Variants in AIG1 observed in about 807,000 individuals in gnomAD.
AIG1 encodes the protein androgen-induced gene 1 protein.
In AIG1, 23 loss-of-function variants were observed where a neutral mutation model predicts 31.4. That is an observed-to-expected ratio of 0.73 (90% CI 0.53 to 1.04). AIG1 has a LOEUF of 1.04. AIG1 is among the 50% of genes least tolerant of loss of function. The pLI, the probability that AIG1 is intolerant of heterozygous loss-of-function variation, is 0.00. For missense variants in AIG1, 274 were observed against 295.0 expected (o/e 0.93, Z 0.52); for synonymous variants, 100 against 110.5 (o/e 0.90, Z 0.60).
chr6:143,294,332 A>G (rs1302396062), intron 4 of AIG1, among the ~76,000 whole-genome samples: 3 of 152,162 alleles, frequency 2.0e-5, no homozygotes, highest in African/African-American at 7.2e-5. Flanking sequence ...GAGTGCCTTC[A>G]AAGAGTTGTC....
chr6:143,294,898 C>T (rs1798315925), intron 4 of AIG1, among the ~76,000 whole-genome samples: 1 of 152,162 alleles, frequency 6.6e-6, no homozygotes, highest in Non-Finnish European at 1.5e-5. Flanking sequence ...TCAGAGCTCA[C>T]TTCCAGGTCC....
intron 3 of AIG1, among the ~76,000 whole-genome samples, chr6:143,237,371 T>C (rs1270971569): frequency 6.6e-6 from 1 of 152,208 alleles, no homozygotes; most frequent in Middle Eastern, 3.2e-3. Context: ...ATGAAGCTTA[T>C]AATGTAGTTG....
chr6:143,208,673 A>G (rs1264861350), intron 3 of AIG1, among the ~76,000 whole-genome samples: 1 of 152,152 alleles, frequency 6.6e-6, no homozygotes, highest in East Asian at 1.9e-4. Context: ...TAAACTTACC[A>G]TATTCATACT....
chr6:143,170,860 CA>C (rs1430145332), intron 3 of AIG1, among the ~76,000 whole-genome samples: 4 of 142,332 alleles, frequency 2.8e-5, no homozygotes, highest in Non-Finnish European at 6.1e-5. Context: ...ACCTGTTCCC[CA>C]AAAACCTATT....
At chr6:143,235,998 A>G (rs1013314728) in intron 3 of AIG1, among the ~76,000 whole-genome samples, 1 of 152,284 alleles carries the variant, frequency 6.6e-6, no homozygotes, top group Middle Eastern at 3.4e-3. Context: ...AGATGAGAAG[A>G]CCTTCCTACT....
rs558199579 is a variant in AIG1, at chr6:143,194,051, TTTATG to T, written c.399+28869_399+28873del. 3.9e-5 allele frequency among the ~76,000 whole-genome samples: 6 copies of T among 152,282 alleles called. No homozygotes were observed. In the South Asian group the frequency reaches 1.2e-3, roughly 32 times the overall value. On this transcript the variant is annotated intron_variant, in intron 3 of 5. Transcript: ENST00000357847. ...AGAGGCTGGAGAAAGTCACAAATGA[TTTATG>T]AGGGCATGATTCTTCCTGCTTATCC... is the stretch of plus-strand genomic sequence containing the variant.
chr6:143,136,029 C>T (rs1783705571), intron 1 of AIG1, among the ~76,000 whole-genome samples: 3 of 152,116 alleles, frequency 2.0e-5, no homozygotes, highest in African/African-American at 7.2e-5. Flanking sequence ...TTCTCCTTTG[C>T]AATAGTCCAA....
chr6:143,184,927 A>T (rs911266119), intron 3 of AIG1, among the ~76,000 whole-genome samples: 1 of 151,944 alleles, frequency 6.6e-6, no homozygotes, highest in South Asian at 2.1e-4. Context: ...GCTGAGTGCA[A>T]TGGCTCACGC....
intron 3 of AIG1, among the ~76,000 whole-genome samples, chr6:143,243,543 C>T (rs540020728): frequency 6.6e-5 from 10 of 152,248 alleles, no homozygotes; most frequent in South Asian, 6.2e-4. Context: ...ACAAAATGCC[C>T]GGAATCTTTT....
intron 3 of AIG1, chr6:143,189,182 C>A: frequency 2.3e-6 from 1 of 440,476 alleles, no homozygotes; most frequent in Non-Finnish European, 3.0e-6. Context: ...TAGCTGGGAC[C>A]ACAGATGTGG....
chr6:143,241,425 G>A (rs1349873859), intron 3 of AIG1, among the ~76,000 whole-genome samples: 11 of 152,190 alleles, frequency 7.2e-5, no homozygotes, highest in Admixed American at 7.2e-4. Context: ...CTCAGACTTG[G>A]CTGTCATCAT....
intron 2 of AIG1, among the ~76,000 whole-genome samples, chr6:143,142,503 C>T (rs1305531962): frequency 6.6e-6 from 1 of 152,228 alleles, no homozygotes; most frequent in East Asian, 1.9e-4. Context: ...TTTGGTTGCT[C>T]TAGCCCCAGT....
chr6:143,336,073 A>C (rs929011280), intron 5 of AIG1, among the ~76,000 whole-genome samples: 11 of 152,184 alleles, frequency 7.2e-5, no homozygotes, highest in Non-Finnish European at 1.3e-4. Context: ...TGATTCTGTT[A>C]GCTGTTGAGT....
intron 3 of AIG1, among the ~76,000 whole-genome samples, chr6:143,178,337 T>C (rs1788380789): frequency 6.6e-6 from 1 of 152,188 alleles, no homozygotes; most frequent in African/African-American, 2.4e-5. Context: ...GTGGTGGCTC[T>C]GCTCTCAACA....
At position 143,284,182 on chromosome 6, in the gene AIG1, G is replaced by A. The variant is rs115165047; in HGVS notation, c.472G>A (p.Gly158Arg). The A allele has an allele frequency of 8.7e-6, 14 of 1,613,976 alleles. No individual in the cohort carries two copies. Among genetic ancestry groups the A allele is most frequent in the Non-Finnish European group, 1.0e-5 (12 of 1,179,942 alleles). Residue 158 changes from glycine to arginine, a missense_variant, in exon 4 of 6, where the codon GGA (glycine) becomes AGA (arginine). Gly to Arg is a moderately radical substitution (Grantham distance 125). This residue lies in a region of AIG1 where 243 missense variants were observed against 238.5 expected (regional missense o/e 1.02). Coordinates refer to ENST00000357847, the MANE Select transcript of AIG1 (RefSeq NM_016108.4). This position sits in a 1 kb window ranked among gnomAD's most constrained non-coding sequence, Gnocchi z 4.4. ...SHHQYPSRSS[G>R]LTAICTFSVG... ...CCATCAGTATCCCAGCAGGAGCAGC[G>A]GACTTACCGCCATATGTACCTTCTC...
At chr6:143,187,112 G>T (rs1789332562) in intron 3 of AIG1, among the ~76,000 whole-genome samples, 2 of 152,114 alleles carry the variant, frequency 1.3e-5, no homozygotes. Flanking sequence ...TAGAAATATT[G>T]TATTTTTATT....
intron 1 of AIG1, among the ~76,000 whole-genome samples, chr6:143,071,979 A>G (rs1370414059): frequency 6.6e-6 from 1 of 151,298 alleles, no homozygotes; most frequent in African/African-American, 2.4e-5. Flanking sequence ...TTTTGTGCAG[A>G]CAGGGCTTTG....
At position 143,268,125 on chromosome 6, in the gene AIG1, A is replaced by T. The variant is rs891775051; in HGVS notation, c.400-15985A>T. Among the ~76,000 whole-genome samples the T allele has an allele frequency of 6.6e-6, 1 of 152,212 alleles. No homozygotes were observed. The highest frequency in any genetic ancestry group is 2.4e-5 in the African/African-American group (1 of 41,446). ...AAAATAGGGAGGATTATGACTTGAT[A>T]TATAAAGTTTGGGAAATAAAGCCAT... On this transcript the variant is annotated intron_variant, in intron 3 of 5. Transcript: ENST00000357847. This position sits in a 1 kb window ranked among gnomAD's most constrained non-coding sequence, Gnocchi z 5.0.
chr6:143,338,107 G>GA lies in AIG1; in HGVS notation c.680-1526dup, dbSNP rs1295490193. ...AACCCATCTGCAGGAGAACGCTTTG[G>GA]AAAAAACAGACTTTAAAAAGAAAAG... On this transcript the variant is annotated intron_variant, in intron 5 of 5. Transcript: ENST00000357847. The surrounding 1 kb of genome is among the most constrained non-coding windows in gnomAD (Gnocchi z 4.3). The GA allele has an allele frequency of 3.3e-5, 13 of 398,470 alleles. No homozygotes were observed. The highest frequency in any genetic ancestry group is 3.2e-4 in the East Asian group (9 of 28,052). 24.7% of individuals were successfully genotyped at this position (398,470 alleles called of 1,614,324 possible). A position where few individuals can be genotyped will look rare whatever the true frequency, so the allele number is the denominator to read the frequency against.
Sources: gnomAD v4.1 joint callset for allele counts (sites outside exome capture counted in the v4.1 genomes callset) on GRCh38, gnomAD v4.1.1 for gene constraint, gnomAD v4.1.1 regional missense constraint, Gnocchi (gnomAD v3.1) non-coding constraint, MANE v1.5 for transcripts, NCBI Gene and HGNC (gene_info 2026-07-23, HGNC 2026-07-21) for gene names.